Variants in SUN2 observed in about 807,000 individuals in gnomAD.
SUN2 encodes the protein SUN domain-containing protein 2.
A neutral mutation model predicts 100.0 loss-of-function variants in SUN2; 60 were observed. That is an observed-to-expected ratio of 0.60 (90% confidence interval 0.49 to 0.74). The LOEUF (loss-of-function observed/expected upper bound fraction) is 0.74. Ranked by LOEUF, SUN2 falls within the 30% of genes least tolerant of loss-of-function variation. The probability of loss-of-function intolerance (pLI) is 0.00; values close to 1 mark genes in which losing one functional copy is unlikely to be tolerated. For missense variants in SUN2, 834 were observed against 954.6 expected (o/e 0.87, Z 1.66); for synonymous variants, 367 against 403.3 (o/e 0.91, Z 1.08).
rs183087381 is a variant in SUN2, at chr22:38,746,575, A to G, written c.686-764T>C. On this transcript the variant is annotated intron_variant, in intron 7 of 17. Coordinates refer to ENST00000689035, the MANE Select transcript of SUN2 (RefSeq NM_015374.3). ...CAGCATGGACATGGCCTTCATGCAC[A>G]CACTCCCCGAGCAGGTCACTGAGCC... Among the ~76,000 whole-genome samples, 863 of 152,274 alleles carry G rather than the reference A, an allele frequency of 5.7e-3. 5 individuals carry two copies. Among genetic ancestry groups the G allele is most frequent in the Non-Finnish European group, 9.8e-3 (668 of 68,016 alleles).
At position 38,740,107 on chromosome 22, in the gene SUN2, C is replaced by T. The variant is rs111948013; in HGVS notation, c.1356+160G>A. On this transcript the variant is annotated intron_variant, in intron 12 of 17. Coordinates refer to ENST00000689035, the MANE Select transcript of SUN2 (RefSeq NM_015374.3). The surrounding 1 kb of genome is among the most constrained non-coding windows in gnomAD (Gnocchi z 4.8). The stretch of plus-strand genomic sequence containing the variant: ...TGGGCACTAACAAAAACAGGAAGAA[C>T]GCCTGTCAGTGAGAGCCCACATGTG... Among the ~76,000 whole-genome samples the T allele has an allele frequency of 3.9e-5, 6 of 152,340 alleles. No individual in the cohort carries two copies. The highest frequency in any genetic ancestry group is 2.1e-4 in the South Asian group (1 of 4,832).
intron 6 of SUN2, 25 bp from the exon 7 acceptor site, chr22:38,748,808 G>C (rs375938558): frequency 1.9e-6 from 3 of 1,613,500 alleles, no homozygotes; most frequent in Non-Finnish European, 2.5e-6. Context: ...AGGGCAGGAC[G>C]GGGGAGGCGG....
At position 38,755,456 on chromosome 22, in the gene SUN2, A is replaced by T; in HGVS notation, c.-38+307T>A. 1 of 990,490 alleles carries T rather than the reference A, an allele frequency of 1.0e-6. No homozygotes were observed. Among genetic ancestry groups the T allele is most frequent in the Non-Finnish European group, 1.2e-6 (1 of 832,440 alleles). The allele number at this position is 990,490 out of a possible 1,614,324, so 61.4% of individuals were successfully genotyped here. A position where few individuals can be genotyped will look rare whatever the true frequency, so the allele number is the denominator to read the frequency against. On this transcript the variant is annotated intron_variant, in intron 1 of 17. Coordinates refer to ENST00000689035, the MANE Select transcript of SUN2 (RefSeq NM_015374.3). This position sits in a 1 kb window ranked among gnomAD's most constrained non-coding sequence, Gnocchi z 5.7. ...ACGGCCTGTCTGGCACAAAACCCGT[A>T]GGCGCTGCCCGGGGCCGGGTTGGGG...
chr22:38,747,940 C>T (rs2092916468), intron 7 of SUN2, among the ~76,000 whole-genome samples: 3 of 152,080 alleles, frequency 2.0e-5, no homozygotes, highest in African/African-American at 4.8e-5. Flanking sequence ...AAGACTTTGT[C>T]TCAAAACAAA....
intron 8 of SUN2, chr22:38,745,249 G>A (rs546707972): frequency 2.0e-4 from 94 of 465,634 alleles, no homozygotes; most frequent in Admixed American, 8.3e-4. Flanking sequence ...GCCCCCAGCT[G>A]ACCCCCCCAG....
At position 38,739,887 on chromosome 22, in the gene SUN2, G is replaced by T; in HGVS notation, c.1413C>A (p.Gly471=). 2.5e-6 allele frequency: 4 copies of T among 1,613,102 alleles called. No homozygotes were observed. The highest frequency in any genetic ancestry group is 3.4e-6 in the Non-Finnish European group (4 of 1,180,008). Residue 471 remains glycine, a synonymous_variant, in exon 13 of 18, where the codon GGC becomes GGA. Coordinates refer to ENST00000689035, the MANE Select transcript of SUN2 (RefSeq NM_015374.3). The surrounding 1 kb of genome is among the most constrained non-coding windows in gnomAD (Gnocchi z 6.7). ...CCTCTCTCTGAAGGAGCCCCACGCG[G>T]CCCCCTCCACCTCGGGCAAGGAACT... ...ISQFLARGGG[G]RVGLLQREEM... is the part of the protein sequence containing the mutation.
rs946247999 is a variant in SUN2 at position 38,738,575 on chromosome 22, A to G, written c.1947+12T>C. On this transcript the variant is annotated intron_variant, in intron 16 of 17. Transcript: ENST00000689035. This position sits in a 1 kb window ranked among gnomAD's most constrained non-coding sequence, Gnocchi z 6.6. Reference sequence around the variant, plus strand: ...GCAGCCCCTCTGGCCCCACCACAGGACAGATACTCACAAAGATGGCGAAGT... The same window carrying G: ...GCAGCCCCTCTGGCCCCACCACAGGGCAGATACTCACAAAGATGGCGAAGT... The G allele has an allele frequency of 1.2e-6, 2 of 1,610,938 alleles. No homozygotes were observed. Among genetic ancestry groups the G allele is most frequent in the African/African-American group, 2.7e-5 (2 of 74,870 alleles).
Position 38,736,204 on chromosome 22 carries a change from G to A in SUN2, c.*63C>T, listed in dbSNP as rs1193507114. ...TCAGAGCGCCGAGCAAGCGTGTGGG[G>A]GAAGCGGCGGGGTGCTGTTCACCCA... On this transcript the variant is annotated 3_prime_UTR_variant, in exon 18 of 18. Coordinates refer to ENST00000689035, the MANE Select transcript of SUN2 (RefSeq NM_015374.3). 1 of 1,472,598 alleles carries A rather than the reference G, an allele frequency of 6.8e-7. No homozygotes were observed. Among genetic ancestry groups the A allele is most frequent in the South Asian group, 1.2e-5 (1 of 86,718 alleles). 91.2% of individuals were successfully genotyped at this position (1,472,598 alleles called of 1,614,324 possible).
At position 38,739,342 on chromosome 22, in the gene SUN2, C is replaced by A; in HGVS notation, c.1663G>T (p.Gly555Trp). 1.9e-6 allele frequency: 3 copies of A among 1,613,008 alleles called. No individual in the cohort carries two copies. The highest frequency in any genetic ancestry group is 2.5e-6 in the Non-Finnish European group (3 of 1,179,994). Residue 555 changes from glycine (G) to tryptophan (W), a missense_variant and splice_region_variant, in exon 14 of 18, where the codon GGG becomes TGG. Gly to Trp is a radical substitution (Grantham distance 184). This residue lies in a region of SUN2 where 195 missense variants were observed against 280.2 expected (regional missense o/e 0.70). Coordinates refer to ENST00000689035, the MANE Select transcript of SUN2 (RefSeq NM_015374.3). The surrounding 1 kb of genome is among the most constrained non-coding windows in gnomAD (Gnocchi z 6.7). ...GLADYALESG[G>W]ASVISTRCSE... is the part of the protein sequence containing the mutation. ...AGAGCGAGGAAAGCAGAGCACGTAC[C>A]TCCTGACTCCAGGGCGTAGTCTGCC...
At position 38,751,244 on chromosome 22, in the gene SUN2, G is replaced by C. The variant is rs770383830; in HGVS notation, c.252C>G (p.Ser84Arg). Residue 84 changes from serine (S) to arginine (R), a missense_variant, in exon 3 of 18, where the codon AGC (serine) becomes AGG (arginine). Ser to Arg is a moderately radical substitution (Grantham distance 110, BLOSUM62 -1). Transcript: ENST00000689035. ...CGTCACCATGCAGTTCCTCCAGGGA[G>C]CTCCTGGGTGGGAACCAGGACTCGT... is the stretch of plus-strand genomic sequence containing the variant. Reference protein sequence around the residue: ...LVHESWFPPRSSLEELHGDAN... With the variant: ...LVHESWFPPRRSLEELHGDAN... 1 of 1,613,868 alleles carries C rather than the reference G, an allele frequency of 6.2e-7. No individual in the cohort carries two copies. Among genetic ancestry groups the C allele is most frequent in the Non-Finnish European group, 8.5e-7 (1 of 1,179,776 alleles).
At chr22:38,751,056 G>A (rs746150813) in intron 3 of SUN2, 21 bp from the exon 4 acceptor site, 5 of 1,610,074 alleles carry the variant, frequency 3.1e-6, no homozygotes, top group African/African-American at 2.7e-5. Context: ...AAGAACCAGG[G>A]GCTCTTCTGG....
chr22:38,739,474 C>T lies in SUN2; in HGVS notation c.1579-48G>A, dbSNP rs2145945965. 2.5e-6 allele frequency: 4 copies of T among 1,597,420 alleles called. No individual in the cohort carries two copies. In the South Asian group the frequency reaches 4.4e-5, roughly 18 times the overall value. The stretch of plus-strand genomic sequence containing the variant: ...CGGTTGCAGCAGGGAGCAGACGTGT[C>T]CCCCTGTCACCTCGTGGCCGTGGGC... On this transcript the variant is annotated intron_variant, in intron 13 of 17. Coordinates refer to ENST00000689035, the MANE Select transcript of SUN2 (RefSeq NM_015374.3). This position sits in a 1 kb window ranked among gnomAD's most constrained non-coding sequence, Gnocchi z 6.7.
chr22:38,740,599 A>C lies in SUN2; in HGVS notation c.1191-167T>G. On this transcript the variant is annotated intron_variant, in intron 11 of 17. Transcript: ENST00000689035. The surrounding 1 kb of genome is among the most constrained non-coding windows in gnomAD (Gnocchi z 4.8). ...GGCCTCTCCTGGGGGTTCTGGCTGC[A>C]GAACCCCTGCCTGTCCCAAGGAGCT... 5.8e-6 allele frequency: 4 copies of C among 689,112 alleles called. No individual in the cohort carries two copies. The highest frequency in any genetic ancestry group is 9.2e-6 in the Non-Finnish European group (4 of 434,478). 42.7% of individuals were successfully genotyped at this position (689,112 alleles called of 1,614,324 possible). A position where few individuals can be genotyped will look rare whatever the true frequency, so the allele number is the denominator to read the frequency against.
intron 5 of SUN2, 72 bp from the exon 6 acceptor site, chr22:38,749,931 G>C: frequency 6.9e-7 from 1 of 1,453,786 alleles, no homozygotes. Context: ...CCCGTCTGCC[G>C]TCCTCCCTGC....
rs35027225 is a variant in SUN2, at chr22:38,744,261, CAAAAAAA to C, written c.813+1416_813+1422del. 2.8e-4 allele frequency among the ~76,000 whole-genome samples: 17 copies of C among 60,722 alleles called. 1 individual carries two copies. In the South Asian group the frequency reaches 4.3e-3, roughly 15 times the overall value. The allele number at this position is 60,722 out of a possible 152,430, so 39.8% of individuals were successfully genotyped here. Reference sequence around the variant, plus strand: ...TGGGTGACTTAGCAAGACTCTGTCTCAAAAAAAAAAAAAAAAAAAAAAAAAGTGATAC... The same window carrying C: ...TGGGTGACTTAGCAAGACTCTGTCTCAAAAAAAAAAAAAAAAAAGTGATAC... On this transcript the variant is annotated intron_variant, in intron 8 of 17. Transcript: ENST00000689035.
chr22:38,749,649 G>C, intron 6 of SUN2, 117 bp downstream of exon 6: 4 of 945,456 alleles, frequency 4.2e-6, no homozygotes, highest in Admixed American at 2.4e-5. Flanking sequence ...GCTAATAAAG[G>C]CTCCAGGGAA....
chr22:38,748,877 TC>T, intron 6 of SUN2, 94 bp from the exon 7 acceptor site: 3 of 1,286,178 alleles, frequency 2.3e-6, no homozygotes, highest in Non-Finnish European at 3.4e-6. Flanking sequence ...TGAGATGTTT[TC>T]CTGGGTGCTG....
chr22:38,746,636 C>T (rs970724245), intron 7 of SUN2, among the ~76,000 whole-genome samples: 2 of 152,236 alleles, frequency 1.3e-5, no homozygotes, highest in African/African-American at 4.8e-5. Context: ...GGGTTCACAG[C>T]ACTGACTACA....
In SUN2 at chr22:38,741,483, A is replaced by AGCCCGCTGACCTGGGAGGCCC; in HGVS notation, c.1136_1146+10dup. ...CCAGTCACAGGCCCTGAGTGCCGCA[A>AGCCCGCTGACCTGGGAGGCCC]GCCCGCTGACCTGGGAGGCCCGGAC... is the stretch of plus-strand genomic sequence containing the variant. On this transcript the variant is annotated intron_variant, in intron 10 of 17. Coordinates refer to ENST00000689035, the MANE Select transcript of SUN2 (RefSeq NM_015374.3). 2 of 1,613,716 alleles carry AGCCCGCTGACCTGGGAGGCCC rather than the reference A, an allele frequency of 1.2e-6. No homozygotes were observed. The highest frequency in any genetic ancestry group is 1.7e-6 in the Non-Finnish European group (2 of 1,179,982).
Sources: gnomAD v4.1 joint callset for allele counts (sites outside exome capture counted in the v4.1 genomes callset) on GRCh38, gnomAD v4.1.1 for gene constraint, gnomAD v4.1.1 regional missense constraint, Gnocchi (gnomAD v3.1) non-coding constraint, MANE v1.5 for transcripts, NCBI Gene and HGNC (gene_info 2026-07-23, HGNC 2026-07-21) for gene names.